The following DMD variants were observed in gnomAD, a reference collection of about 807,000 sequenced individuals.
DMD encodes mutant dystrophin.
Under a neutral mutation model 330.1 loss-of-function variants are expected in DMD, and 63 were observed. The ratio of observed to expected loss-of-function variants is 0.19; its 90% CI spans 0.16 to 0.24. The LOEUF (loss-of-function observed/expected upper bound fraction) is 0.24, where lower values mean the gene tolerates loss of function less well. Ranked by LOEUF, DMD falls within the 10% of genes least tolerant of loss-of-function variation. The pLI is 1.00. For synonymous variants in DMD, 1,223 were observed against 959.8 expected, an observed-to-expected ratio of 1.27 and a Z score of -5.07; for missense variants, 3,344 against 2,684.1, an observed-to-expected ratio of 1.25 and a Z score of -5.43.
intron 44 of DMD, among the ~76,000 whole-genome samples, chrX:32,082,973 G>T (rs1016604284): frequency 9.0e-6 from 1 of 111,684 alleles, no homozygotes; most frequent in Non-Finnish European, 1.9e-5. Context: ...CAAAGCAAGG[G>T]TCATTCTGTT....
chrX:32,098,749 C>A (rs1211403377), intron 44 of DMD, among the ~76,000 whole-genome samples: 1 of 112,033 alleles, frequency 8.9e-6, no homozygotes, highest in African/African-American at 3.2e-5. Flanking sequence ...TCACTTCAAT[C>A]AGAATGCTCA....
intron 2 of DMD, among the ~76,000 whole-genome samples, chrX:32,981,590 A>T (rs1411869705): frequency 8.9e-6 from 1 of 111,864 alleles, no homozygotes; most frequent in Admixed American, 9.6e-5. Flanking sequence ...ACAAAATTTC[A>T]GATATCATTT....
chrX:31,165,304 C>T (rs912779811), intron 74 of DMD, among the ~76,000 whole-genome samples: 8 of 111,803 alleles, frequency 7.2e-5, no homozygotes, highest in African/African-American at 2.6e-4. Flanking sequence ...GTCTTACTGC[C>T]CAACAAGACA....
chrX:32,975,048 A>G (rs1460754589), intron 2 of DMD, among the ~76,000 whole-genome samples: 1 of 111,982 alleles, frequency 8.9e-6, no homozygotes, highest in East Asian at 2.8e-4. Context: ...CTTGAAACTT[A>G]CACAACCACT....
chrX:31,358,826 G>T (rs2058791646), intron 60 of DMD, among the ~76,000 whole-genome samples: 1 of 112,360 alleles, frequency 8.9e-6, no homozygotes, highest in Admixed American at 9.4e-5. Flanking sequence ...CGAAGTGTAG[G>T]TAAAGTTAAG....
chrX:31,152,288 T>C (rs1319402045), intron 74 of DMD, among the ~76,000 whole-genome samples: 1 of 108,525 alleles, frequency 9.2e-6, no homozygotes. Context: ...CTCAGCCTCC[T>C]GAGTAGCTGG....
At chrX:32,078,470 GC>G (rs1306066695) in intron 44 of DMD, among the ~76,000 whole-genome samples, 1 of 111,838 alleles carries the variant, frequency 8.9e-6, no homozygotes, top group Non-Finnish European at 1.9e-5. Context: ...CCAATCACTT[GC>G]CACCATAATT....
intron 60 of DMD, among the ~76,000 whole-genome samples, chrX:31,351,216 C>A (rs1290336833): frequency 9.0e-6 from 1 of 110,672 alleles, no homozygotes; most frequent in African/African-American, 3.3e-5. Context: ...ATTGTTGCTT[C>A]TATTTCTCTG....
chrX:33,139,869 A>G (rs1603345855), intron 1 of DMD, among the ~76,000 whole-genome samples: 1 of 51,445 alleles, frequency 1.9e-5, no homozygotes, highest in Non-Finnish European at 3.2e-5. Context: ...CCCCATCGCT[A>G]AAAAAAAAAA....
chrX:33,008,435 C>T (rs1019928627), intron 2 of DMD, among the ~76,000 whole-genome samples: 1 of 110,636 alleles, frequency 9.0e-6, no homozygotes, highest in Non-Finnish European at 1.9e-5. Context: ...AAATGCAACA[C>T]CCTTAAGTGA....
At chrX:33,298,914 G>A (rs753339169) in intron 1 of DMD, among the ~76,000 whole-genome samples, 17 of 111,579 alleles carry the variant, frequency 1.5e-4, no homozygotes, top group South Asian at 1.1e-3. Context: ...AAGTGAGTGC[G>A]GAAGTGATTC....
chrX:32,277,657 A>T (rs749184341), intron 43 of DMD, among the ~76,000 whole-genome samples: 2 of 111,341 alleles, frequency 1.8e-5, no homozygotes, highest in South Asian at 7.5e-4. Context: ...GAAATCAACA[A>T]TGAGGAATTT....
intron 44 of DMD, among the ~76,000 whole-genome samples, chrX:31,991,200 A>T (rs1178733122): frequency 9.0e-6 from 1 of 111,450 alleles, no homozygotes; most frequent in Non-Finnish European, 1.9e-5. Flanking sequence ...TTGTAAATAG[A>T]GGGGATCTAC....
chrX:32,863,369 T>A (rs1283750626), intron 2 of DMD, among the ~76,000 whole-genome samples: 1 of 108,487 alleles, frequency 9.2e-6, no homozygotes, highest in Non-Finnish European at 1.9e-5. Flanking sequence ...ATACAAAAGT[T>A]AGCTGGGCAT....
At chrX:31,577,175 T>C (rs1472395106) in intron 55 of DMD, among the ~76,000 whole-genome samples, 1 of 112,738 alleles carries the variant, frequency 8.9e-6, no homozygotes, top group African/African-American at 3.2e-5. Flanking sequence ...TTTTACAAAA[T>C]GTATTGCAAT....
chrX:31,880,401 A>G (rs981098318), intron 47 of DMD, among the ~76,000 whole-genome samples: 1 of 112,068 alleles, frequency 8.9e-6, no homozygotes, highest in Non-Finnish European at 1.9e-5. Context: ...ATATAAAAAA[A>G]TCTTTTAATG....
chrX:33,240,838 G>A (rs750643941), intron 1 of DMD, among the ~76,000 whole-genome samples: 1 of 111,786 alleles, frequency 8.9e-6, no homozygotes, highest in South Asian at 3.7e-4. Flanking sequence ...TCGTATTCCT[G>A]TTGGCTATGT....
At chrX:32,556,149 CA>C (rs2050275079) in intron 16 of DMD, among the ~76,000 whole-genome samples, 1 of 111,809 alleles carries the variant, frequency 8.9e-6, no homozygotes, top group Admixed American at 9.5e-5. Flanking sequence ...AAAAAGTGGG[CA>C]AAGCACATAA....
chrX:32,880,696 G>A (rs907630399), intron 2 of DMD, among the ~76,000 whole-genome samples: 10 of 112,695 alleles, frequency 8.9e-5, no homozygotes, highest in South Asian at 7.2e-4. Context: ...TGTAATCCCA[G>A]CACTTTAGAC....
Sources: gnomAD v4.1 joint callset for allele counts (sites outside exome capture counted in the v4.1 genomes callset) on GRCh38, gnomAD v4.1.1 for gene constraint, MANE v1.5 for transcripts, NCBI Gene and HGNC (gene_info 2026-07-23, HGNC 2026-07-21) for gene names.